The following MCPH1 variants were observed in gnomAD, a reference collection of about 807,000 sequenced individuals.
MCPH1 encodes microcephalin.
In MCPH1, 104 loss-of-function variants were observed where a neutral mutation model predicts 84.5. That is an observed-to-expected ratio of 1.23 (90% CI 1.05 to 1.45). The LOEUF is 1.45. MCPH1 is among the 40% of genes most tolerant of loss of function. The pLI is 0.00. For missense variants in MCPH1, 1,498 were observed against 1,005.7 expected (o/e 1.49, Z -6.62); for synonymous variants, 514 against 366.8 (o/e 1.40, Z -4.58).
chr8:6,458,487 GA>G (rs558051124), intron 9 of MCPH1, among the ~76,000 whole-genome samples: 40,490 of 140,500 alleles, frequency 0.29, 7,741 homozygotes, highest in African/African-American at 0.56. Flanking sequence ...AAAAAAAAAA[GA>G]AAAAAAAAAA....
At chr8:6,531,669 A>G (rs962616718) in intron 12 of MCPH1, among the ~76,000 whole-genome samples, 2 of 152,204 alleles carry the variant, frequency 1.3e-5, no homozygotes, top group African/African-American at 4.8e-5. Context: ...AAGAGAACTT[A>G]GCAATCACTT....
At chr8:6,441,522 CT>C (rs1340678198) in intron 6 of MCPH1, among the ~76,000 whole-genome samples, 1 of 152,146 alleles carries the variant, frequency 6.6e-6, no homozygotes, top group Admixed American at 6.5e-5. Context: ...GAAGATAATA[CT>C]TACGATCTTA....
chr8:6,564,798 G>C (rs1185121771), intron 12 of MCPH1, among the ~76,000 whole-genome samples: 1 of 152,132 alleles, frequency 6.6e-6, no homozygotes, highest in Non-Finnish European at 1.5e-5. Context: ...TTTATTTGCT[G>C]CCACAATACT....
At chr8:6,619,658 C>T (rs1054181524) in intron 12 of MCPH1, among the ~76,000 whole-genome samples, 1 of 152,092 alleles carries the variant, frequency 6.6e-6, no homozygotes, top group Middle Eastern at 3.4e-3. Context: ...AATCTCAGCT[C>T]ACTGCAAGCT....
rs1415606093 is a variant in MCPH1 at position 6,505,406 on chromosome 8, A to G, written c.2214+5477A>G. On this transcript the variant is annotated intron_variant, in intron 12 of 13. Transcript: ENST00000344683. ...CTTTCTATATGTATATAGAATATAT[A>G]TATTCTTTATATACATAAAGAATAT... Among the ~76,000 whole-genome samples, 5 of 67,144 alleles carry G rather than the reference A, an allele frequency of 7.4e-5. 1 individual carries two copies. The highest frequency in any genetic ancestry group is 1.7e-4 in the Non-Finnish European group (5 of 29,598). 44.0% of individuals were successfully genotyped at this position (67,144 alleles called of 152,430 possible).
intron 12 of MCPH1, among the ~76,000 whole-genome samples, chr8:6,510,410 A>T (rs907750452): frequency 1.3e-4 from 20 of 152,084 alleles, no homozygotes; most frequent in Non-Finnish European, 1.9e-4. Flanking sequence ...TCTTTGTAAA[A>T]CCTGCTAATG....
intron 11 of MCPH1, among the ~76,000 whole-genome samples, chr8:6,495,895 T>A (rs1315992011): frequency 2.0e-5 from 3 of 152,196 alleles, no homozygotes; most frequent in Non-Finnish European, 4.4e-5. Context: ...TTTCTAACTA[T>A]CAGATTTGAT....
At chr8:6,572,830 G>C (rs931852792) in intron 12 of MCPH1, among the ~76,000 whole-genome samples, 2 of 152,242 alleles carry the variant, frequency 1.3e-5, no homozygotes, top group African/African-American at 4.8e-5. Context: ...CTAAGGCCCT[G>C]GGTAGTGCAG....
intron 6 of MCPH1, among the ~76,000 whole-genome samples, chr8:6,440,817 T>G (rs747782601): frequency 2.6e-5 from 4 of 152,218 alleles, no homozygotes; most frequent in Non-Finnish European, 5.9e-5. Flanking sequence ...TCAGTTAAGG[T>G]TAGTTTCGGC....
rs538618452 is a variant in MCPH1 at position 6,646,044 on chromosome 8, C to G, written c.*2995C>G. On this transcript the variant is annotated 3_prime_UTR_variant, in exon 14 of 14. Coordinates refer to ENST00000344683, the MANE Select transcript of MCPH1 (RefSeq NM_024596.5). ...AAATCTTTTATGAAAATGCAAAGAA[C>G]CTCTAGTAGACAAAACAATTTTTTT... is the stretch of plus-strand genomic sequence containing the variant. 1 of 152,260 alleles carries G rather than the reference C, an allele frequency of 6.6e-6. No homozygotes were observed. The highest frequency in any genetic ancestry group is 2.1e-4 in the South Asian group (1 of 4,814). 9.4% of individuals were successfully genotyped at this position (152,260 alleles called of 1,614,324 possible).
chr8:6,440,102 G>T (rs1803283726), intron 6 of MCPH1, among the ~76,000 whole-genome samples: 1 of 152,078 alleles, frequency 6.6e-6, no homozygotes, highest in Non-Finnish European at 1.5e-5. Flanking sequence ...AGTTGTTGTA[G>T]ACCTATTTTT....
intron 9 of MCPH1, among the ~76,000 whole-genome samples, chr8:6,471,031 C>CT (rs749697903): frequency 1.2e-4 from 18 of 152,060 alleles, no homozygotes; most frequent in East Asian, 3.9e-4. Flanking sequence ...ATCGAAGGTC[C>CT]TTTTTTTTCA....
chr8:6,617,176 C>T (rs908236810), intron 12 of MCPH1: 2 of 150,216 alleles, frequency 1.3e-5, no homozygotes, highest in African/African-American at 5.0e-5. Flanking sequence ...GTCCTTTGAA[C>T]CAGTTATAGC....
intron 13 of MCPH1, among the ~76,000 whole-genome samples, chr8:6,628,154 T>C (rs1796883291): frequency 6.6e-6 from 1 of 151,992 alleles, no homozygotes; most frequent in African/African-American, 2.4e-5. Context: ...GGATGTGAAT[T>C]GCATCAGAGA....
intron 13 of MCPH1, among the ~76,000 whole-genome samples, chr8:6,623,290 G>A (rs1831668748): frequency 6.6e-6 from 1 of 151,958 alleles, no homozygotes; most frequent in Non-Finnish European, 1.5e-5. Flanking sequence ...AATCACTCTA[G>A]TTTCAGCCCC....
chr8:6,473,022 C>G (rs73518772), intron 9 of MCPH1, among the ~76,000 whole-genome samples: 2,868 of 152,188 alleles, frequency 0.019, 99 homozygotes, highest in African/African-American at 0.065. Flanking sequence ...AAAATAAAGT[C>G]AATATAAACC....
At position 6,428,414 on chromosome 8, in the gene MCPH1, G is replaced by T. The variant is rs1240445878; in HGVS notation, c.234-3085G>T. On this transcript the variant is annotated intron_variant, in intron 3 of 13. Transcript: ENST00000344683. ...GTGGTCTGTCATTGACCAAAAGGTTGTTATGCGGCATATAACTGGATTCAC... is the reference window on the plus strand; with the variant it reads ...GTGGTCTGTCATTGACCAAAAGGTTTTTATGCGGCATATAACTGGATTCAC... Among the ~76,000 whole-genome samples the T allele has an allele frequency of 2.6e-5, 4 of 152,284 alleles. No individual in the cohort carries two copies. The Middle Eastern group carries it at 0.01, about 388-fold the overall frequency.
intron 12 of MCPH1, chr8:6,617,261 G>GGGA (rs1280738880): frequency 6.8e-6 from 1 of 146,028 alleles, no homozygotes; most frequent in African/African-American, 2.7e-5. Context: ...TTTGGTGGGG[G>GGGA]GGGGGTGTTT....
At chr8:6,454,571 G>C (rs1805474873) in intron 8 of MCPH1, among the ~76,000 whole-genome samples, 1 of 152,154 alleles carries the variant, frequency 6.6e-6, no homozygotes. Flanking sequence ...GTCTACAGAG[G>C]TTAGCATCTA....
Sources: allele counts gnomAD v4.1 joint callset (sites outside exome capture counted in the v4.1 genomes callset), GRCh38; gene constraint gnomAD v4.1.1; transcripts MANE v1.5; gene names NCBI Gene and HGNC (gene_info 2026-07-23, HGNC 2026-07-21).